Variants in CFAP299 observed in about 807,000 individuals in gnomAD.
CFAP299 encodes the protein cilia- and flagella-associated protein 299.
CFAP299 carries 21 observed loss-of-function variants against 27.0 expected under a neutral mutation model. The ratio of observed to expected loss-of-function variants is 0.78; its 90% CI spans 0.55 to 1.12. The LOEUF (loss-of-function observed/expected upper bound fraction) is 1.12. CFAP299 is among the 50% of genes most tolerant of loss of function. The pLI, the probability that CFAP299 is intolerant of heterozygous loss-of-function variation, is 0.00. For synonymous variants in CFAP299, 104 were observed against 98.1 expected, an observed-to-expected ratio of 1.06 and a Z score of -0.36; for missense variants, 310 against 276.6, an observed-to-expected ratio of 1.12 and a Z score of -0.86.
chr4:80,932,709 A>T (rs1736681718), intron 4 of CFAP299, among the ~76,000 whole-genome samples: 1 of 152,158 alleles, frequency 6.6e-6, no homozygotes, highest in African/African-American at 2.4e-5. Context: ...AAAACTTTGG[A>T]AGCATTTTAC....
chr4:80,911,631 T>C (rs1046225656), intron 4 of CFAP299, among the ~76,000 whole-genome samples: 3 of 152,148 alleles, frequency 2.0e-5, no homozygotes, highest in Admixed American at 1.3e-4. Flanking sequence ...AATAAGATTC[T>C]AGTCAATACC....
rs374438101 is a variant in CFAP299 at position 80,950,256 on chromosome 4, C to CA, written c.606+5317_606+5318insA. Among the ~76,000 whole-genome samples the CA allele has an allele frequency of 4.9e-4, 75 of 151,572 alleles. 1 individual carries two copies. Among genetic ancestry groups the CA allele is most frequent in the South Asian group, 1.7e-3 (8 of 4,780 alleles). On this transcript the variant is annotated intron_variant, in intron 5 of 5. Coordinates refer to ENST00000358105, the MANE Select transcript of CFAP299 (RefSeq NM_152770.3). ...GCCACTCTTTATTCTTCCCTCCACC[C>CA]CCCCCCTTTCTCATTTGATGTTTCC...
At chr4:80,740,438 T>C (rs1216915048) in intron 3 of CFAP299, among the ~76,000 whole-genome samples, 1 of 152,168 alleles carries the variant, frequency 6.6e-6, no homozygotes, top group Non-Finnish European at 1.5e-5. Context: ...AGGCAGAGAC[T>C]CTTGTTCTTT....
chr4:80,696,716 T>C (rs1721118171), intron 3 of CFAP299, among the ~76,000 whole-genome samples: 1 of 152,164 alleles, frequency 6.6e-6, no homozygotes, highest in Non-Finnish European at 1.5e-5. Flanking sequence ...GGAAGGCTCC[T>C]CTGAGACAGT....
chr4:80,693,700 A>T lies in CFAP299; in HGVS notation c.333+110517A>T, dbSNP rs879885684. Among the ~76,000 whole-genome samples, 517 of 145,144 alleles carry T rather than the reference A, an allele frequency of 3.6e-3. 2 individuals are homozygous for T. Among genetic ancestry groups the T allele is most frequent in the Non-Finnish European group, 4.6e-3 (300 of 65,306 alleles). On this transcript the variant is annotated intron_variant, in intron 3 of 5. Coordinates refer to ENST00000358105, the MANE Select transcript of CFAP299 (RefSeq NM_152770.3). ...AAAACTTAAAGTATAATAATAATTT[A>T]AAAAAAAAAAAGAAAGAACTGGCAT...
At chr4:80,511,964 A>G (rs1447441265) in intron 2 of CFAP299, among the ~76,000 whole-genome samples, 1 of 152,174 alleles carries the variant, frequency 6.6e-6, no homozygotes, top group Non-Finnish European at 1.5e-5. Flanking sequence ...ACTTTTAAAA[A>G]TTCTTGAGTT....
At chr4:80,862,148 T>C (rs1175661933) in intron 3 of CFAP299, among the ~76,000 whole-genome samples, 1 of 152,128 alleles carries the variant, frequency 6.6e-6, no homozygotes, top group East Asian at 1.9e-4. Context: ...GGTGGGTGGA[T>C]CATTTGAGGT....
At chr4:80,581,384 TTAG>T (rs1457395104) in intron 2 of CFAP299, among the ~76,000 whole-genome samples, 1 of 147,892 alleles carries the variant, frequency 6.8e-6, no homozygotes, top group African/African-American at 2.5e-5. Context: ...TTGGTACTAA[TTAG>T]TAGTTATTTT....
intron 2 of CFAP299, among the ~76,000 whole-genome samples, chr4:80,400,513 T>C (rs1310524725): frequency 6.6e-6 from 1 of 152,098 alleles, no homozygotes; most frequent in African/African-American, 2.4e-5. Flanking sequence ...ATCTGATGGG[T>C]TTATCAGGGA....
intron 2 of CFAP299, among the ~76,000 whole-genome samples, chr4:80,544,598 A>G (rs190762644): frequency 6.6e-6 from 1 of 152,338 alleles, no homozygotes; most frequent in East Asian, 1.9e-4. Context: ...AATTTAAACC[A>G]ACAATGATCA....
intron 3 of CFAP299, among the ~76,000 whole-genome samples, chr4:80,713,298 C>G (rs1352662243): frequency 6.6e-6 from 1 of 152,162 alleles, no homozygotes; most frequent in East Asian, 1.9e-4. Flanking sequence ...TAGGAGGCCA[C>G]TGAAGAGCTG....
chr4:80,536,035 AAGG>A (rs1211077747), intron 2 of CFAP299, among the ~76,000 whole-genome samples: 1 of 152,178 alleles, frequency 6.6e-6, no homozygotes, highest in Non-Finnish European at 1.5e-5. Flanking sequence ...GGTGAAGACT[AAGG>A]AGGTCACATA....
At chr4:80,553,927 C>G (rs1553933642) in intron 2 of CFAP299, among the ~76,000 whole-genome samples, 1 of 152,110 alleles carries the variant, frequency 6.6e-6, no homozygotes, top group Non-Finnish European at 1.5e-5. Flanking sequence ...CATATTTTCT[C>G]TCTTTCTGTA....
intron 2 of CFAP299, among the ~76,000 whole-genome samples, chr4:80,390,505 A>ATATACACATATATATGTATATATG (rs1560542964): frequency 1.0e-4 from 8 of 79,038 alleles, no homozygotes; most frequent in African/African-American, 4.8e-4. Flanking sequence ...ATATATGTAT[A>ATATACACATATATATGTATATATG]TATACACACA....
chr4:80,422,483 C>T (rs1219085135), intron 2 of CFAP299, among the ~76,000 whole-genome samples: 1 of 152,122 alleles, frequency 6.6e-6, no homozygotes, highest in Non-Finnish European at 1.5e-5. Flanking sequence ...GATGAGATTA[C>T]TTGCAAGGTC....
At chr4:80,376,206 C>G (rs1273339030) in intron 2 of CFAP299, among the ~76,000 whole-genome samples, 1 of 151,758 alleles carries the variant, frequency 6.6e-6, no homozygotes, top group East Asian at 1.9e-4. Flanking sequence ...AATCATAAAG[C>G]TTTTGAAGCT....
At chr4:80,345,528 G>T (rs1034085351) in intron 1 of CFAP299, among the ~76,000 whole-genome samples, 2 of 149,550 alleles carry the variant, frequency 1.3e-5, no homozygotes, top group Non-Finnish European at 3.0e-5. Context: ...TGCAGTGATT[G>T]GTTTTCTGTC....
intron 2 of CFAP299, among the ~76,000 whole-genome samples, chr4:80,461,088 T>C (rs904485968): frequency 5.9e-5 from 9 of 152,162 alleles, no homozygotes; most frequent in African/African-American, 1.9e-4. Flanking sequence ...AGAGTTATTA[T>C]CTAAAGACCC....
chr4:80,906,880 A>G (rs575959020), intron 4 of CFAP299, among the ~76,000 whole-genome samples: 19 of 152,292 alleles, frequency 1.2e-4, no homozygotes, highest in African/African-American at 3.8e-4. Flanking sequence ...GGTCTCTGAC[A>G]TGCCCTGGAG....
Sources: gnomAD v4.1 joint callset for allele counts (sites outside exome capture counted in the v4.1 genomes callset) on GRCh38, gnomAD v4.1.1 for gene constraint, MANE v1.5 for transcripts, NCBI Gene and HGNC (gene_info 2026-07-23, HGNC 2026-07-21) for gene names.